The following SGCG variants were observed in gnomAD, a reference collection of about 807,000 sequenced individuals.
SGCG encodes sarcoglycan gamma, also known as gamma-sarcoglycan.
A neutral mutation model predicts 29.3 loss-of-function variants in SGCG; 26 were observed. The ratio of observed to expected loss-of-function variants is 0.89; its 90% CI spans 0.65 to 1.23. SGCG has a LOEUF of 1.23. Ranked by LOEUF, SGCG falls within the 50% of genes most tolerant of loss-of-function variation. SGCG has a pLI of 0.00. For synonymous variants in SGCG, 145 were observed against 129.7 expected (o/e 1.12, Z -0.80); for missense variants, 353 against 356.0 (o/e 0.99, Z 0.07).
At chr13:23,311,545 G>A (rs1188314907) in intron 6 of SGCG, among the ~76,000 whole-genome samples, 3 of 152,170 alleles carry the variant, frequency 2.0e-5, no homozygotes, top group African/African-American at 7.2e-5. Flanking sequence ...CACCTATAAG[G>A]TGTCTGACTA....
chr13:23,180,265 G>A (rs1028496102), upstream of SGCG, among the ~76,000 whole-genome samples: 5 of 152,080 alleles, frequency 3.3e-5, no homozygotes, highest in African/African-American at 1.2e-4. Context: ...CTTATAAAAT[G>A]GAATGACCTA....
chr13:23,260,829 A>G (rs7399658), intron 4 of SGCG, among the ~76,000 whole-genome samples: 24,938 of 152,064 alleles, frequency 0.16, 2,475 homozygotes, highest in Admixed American at 0.22. Context: ...TTCTGGGTTG[A>G]AAATTCTTTT....
intron 6 of SGCG, among the ~76,000 whole-genome samples, chr13:23,310,507 T>G (rs1882554282): frequency 6.6e-6 from 1 of 152,196 alleles, no homozygotes. Flanking sequence ...AGTGTTTTAT[T>G]TTCAATATGT....
intron 7 of SGCG, 40 bp from the exon 8 acceptor site, chr13:23,324,328 C>A: frequency 6.3e-7 from 1 of 1,598,288 alleles, no homozygotes; most frequent in African/African-American, 1.3e-5. Context: ...ACCAGGGTGG[C>A]CCTTCCTTAA....
chr13:23,225,813 A>G (rs1699241556), intron 2 of SGCG, among the ~76,000 whole-genome samples: 2 of 151,778 alleles, frequency 1.3e-5, no homozygotes, highest in African/African-American at 4.9e-5. Context: ...ACACACCCCT[A>G]CATACATCAA....
chr13:23,172,536 G>GC, the SGCG span, among the ~76,000 whole-genome samples: 1 of 152,136 alleles, frequency 6.6e-6, no homozygotes, highest in Non-Finnish European at 1.5e-5. Flanking sequence ...TGCTTCCACA[G>GC]CCCTTAGTTC....
At chr13:23,252,508 A>C (rs1295643153) in intron 4 of SGCG, among the ~76,000 whole-genome samples, 3 of 152,026 alleles carry the variant, frequency 2.0e-5, no homozygotes, top group Non-Finnish European at 4.4e-5. Flanking sequence ...TGGCTAACAC[A>C]GTGAAACCAC....
intron 4 of SGCG, among the ~76,000 whole-genome samples, chr13:23,263,950 A>G (rs1328278001): frequency 6.6e-6 from 1 of 152,192 alleles, no homozygotes; most frequent in Admixed American, 6.5e-5. Flanking sequence ...GCCATATATG[A>G]CAAACTCATG....
intron 6 of SGCG, among the ~76,000 whole-genome samples, chr13:23,317,986 A>G (rs1299221612): frequency 6.6e-6 from 1 of 152,194 alleles, no homozygotes; most frequent in Non-Finnish European, 1.5e-5. Context: ...CAGCAAATAT[A>G]ATGCAGGCAG....
chr13:23,257,494 G>A (rs188087610), intron 4 of SGCG, among the ~76,000 whole-genome samples: 1 of 152,154 alleles, frequency 6.6e-6, no homozygotes, highest in East Asian at 1.9e-4. Context: ...CATTCTGTAG[G>A]TTGCCTGTTC....
At chr13:23,232,106 G>A (rs1391195556) in intron 2 of SGCG, among the ~76,000 whole-genome samples, 5 of 147,798 alleles carry the variant, frequency 3.4e-5, no homozygotes, top group African/African-American at 9.9e-5. Context: ...GAGACAGAGC[G>A]AGATTCCATA....
intron 3 of SGCG, among the ~76,000 whole-genome samples, chr13:23,250,415 T>C (rs1879916026): frequency 6.6e-6 from 1 of 152,234 alleles, no homozygotes; most frequent in Non-Finnish European, 1.5e-5. Flanking sequence ...GCTCATTTTA[T>C]GATTGTTATT....
upstream of SGCG, among the ~76,000 whole-genome samples, chr13:23,178,433 A>G (rs1350247121): frequency 6.6e-6 from 1 of 152,192 alleles, no homozygotes. Context: ...TGGGTGTTGT[A>G]TTGGAGGAAT....
chr13:23,276,679 C>T (rs1466101554), intron 4 of SGCG, among the ~76,000 whole-genome samples: 1 of 152,196 alleles, frequency 6.6e-6, no homozygotes, highest in Non-Finnish European at 1.5e-5. Context: ...AGGCAATCTG[C>T]CCGCCTCGGC....
chr13:23,321,895 C>T (rs1367765696), intron 7 of SGCG, among the ~76,000 whole-genome samples: 1 of 140,946 alleles, frequency 7.1e-6, no homozygotes, highest in Non-Finnish European at 1.6e-5. Flanking sequence ...GATATTGGAA[C>T]CCTGTTTGTT....
chr13:23,304,092 C>T (rs915134379), intron 6 of SGCG, among the ~76,000 whole-genome samples: 2 of 152,076 alleles, frequency 1.3e-5, no homozygotes, highest in African/African-American at 2.4e-5. Context: ...TTTAAAAATA[C>T]TTTTCCTCTC....
At chr13:23,217,486 A>G (rs909533723) in intron 2 of SGCG, 6 of 152,076 alleles carry the variant, frequency 3.9e-5, no homozygotes, top group Non-Finnish European at 8.8e-5. Flanking sequence ...GCGCCACGTC[A>G]ATCTTTTCTG....
chr13:23,162,201 T>G, the SGCG span, among the ~76,000 whole-genome samples: 1 of 152,256 alleles, frequency 6.6e-6, no homozygotes, highest in Non-Finnish European at 1.5e-5. Flanking sequence ...TAAGATCATT[T>G]TTATTTAAAT....
At chr13:23,230,211 A>G (rs753869409) in intron 2 of SGCG, among the ~76,000 whole-genome samples, 4 of 152,126 alleles carry the variant, frequency 2.6e-5, no homozygotes, top group African/African-American at 4.8e-5. Context: ...AAGTTGGGCA[A>G]TGTGATAACT....
Sources: gnomAD v4.1 joint callset for allele counts (sites outside exome capture counted in the v4.1 genomes callset) on GRCh38, gnomAD v4.1.1 for gene constraint, MANE v1.5 for transcripts, NCBI Gene and HGNC (gene_info 2026-07-23, HGNC 2026-07-21) for gene names.